Variants in TRIP11 observed in about 807,000 individuals in gnomAD.
TRIP11 encodes the protein thyroid receptor-interacting protein 11.
TRIP11 carries 148 observed loss-of-function variants against 223.1 expected under a neutral mutation model. The ratio of observed to expected loss-of-function variants is 0.66; its 90% CI spans 0.58 to 0.76. The LOEUF is 0.76. Among genes scored for constraint, TRIP11 ranks in the 30% least tolerant of loss-of-function variants. The pLI, the probability that TRIP11 is intolerant of heterozygous loss-of-function variation, is 0.00. For synonymous variants in TRIP11, 762 were observed against 772.6 expected (o/e 0.99, Z 0.23); for missense variants, 2,043 against 2,222.0 (o/e 0.92, Z 1.62).
chr14:91,980,779 ATG>A (rs2056528162), intron 16 of TRIP11, among the ~76,000 whole-genome samples: 2 of 151,818 alleles, frequency 1.3e-5, no homozygotes, highest in Non-Finnish European at 2.9e-5. Context: ...ACATATATAT[ATG>A]TCAATAAATA....
rs1048690218 is a variant in TRIP11, at chr14:91,970,287, C to T, written c.5720-394G>A. ...AATTAGCTGGGCATGGTGGCGGGCG[C>T]CTGTAATCCCAGCTACTTGGGAGGC... On this transcript the variant is annotated intron_variant, in intron 20 of 20. Transcript: ENST00000267622. 5.5e-4 allele frequency among the ~76,000 whole-genome samples: 84 copies of T among 152,070 alleles called. 1 individual carries two copies. Among genetic ancestry groups the T allele is most frequent in the South Asian group, 1.2e-3 (6 of 4,818 alleles).
chr14:92,029,283 T>A (rs55827751), intron 2 of TRIP11, among the ~76,000 whole-genome samples: 271 of 16,846 alleles, frequency 0.016, 1 homozygote, highest in South Asian at 0.046. Context: ...AAGTATTATT[T>A]TTTTTTTTTT....
At chr14:92,011,153 T>C in intron 8 of TRIP11, 81 bp from the exon 9 acceptor site, 1 of 1,240,926 alleles carries the variant, frequency 8.1e-7, no homozygotes, top group Non-Finnish European at 1.2e-6. Flanking sequence ...TACAATTGTG[T>C]GTTTCTATTC....
chr14:91,983,224 T>A (rs920367747), intron 16 of TRIP11, among the ~76,000 whole-genome samples: 2 of 152,254 alleles, frequency 1.3e-5, no homozygotes, highest in African/African-American at 4.8e-5. Context: ...TGCCTGACTG[T>A]AAACCTCCTG....
intron 20 of TRIP11, 44 bp downstream of exon 20, chr14:91,972,673 C>T (rs1184499508): frequency 1.3e-6 from 2 of 1,564,674 alleles, no homozygotes; most frequent in South Asian, 1.2e-5. Flanking sequence ...ATACATTAAA[C>T]ATTCAATTTT....
intron 16 of TRIP11, among the ~76,000 whole-genome samples, chr14:91,984,317 CT>C (rs138601782): frequency 0.27 from 35,015 of 127,460 alleles, 3,237 homozygotes; most frequent in Middle Eastern, 0.34. Flanking sequence ...TTTTTCTTTT[CT>C]TTTTTTTTTT....
Position 92,005,689 on chromosome 14 carries a change from G to C in TRIP11, c.2287C>G (p.His763Asp). 1 of 1,613,678 alleles carries C rather than the reference G, an allele frequency of 6.2e-7. No homozygotes were observed. Among genetic ancestry groups the C allele is most frequent in the Non-Finnish European group, 8.5e-7 (1 of 1,180,002 alleles). The change falls in exon 11 of 21, where the codon CAT (histidine) becomes GAT (aspartate). Residue 763 changes from histidine to aspartate, a missense_variant. Physicochemically the swap from His to Asp is moderately conservative, Grantham distance 81. Transcript: ENST00000267622. ...TTCTTTTGATTGAGTTTAATTAAAT[G>C]CTCATGTTCCAGCTGTAAGGCAGAG... ...NTSALQLEHE[H>D]LIKLNQKKDM...
At chr14:92,001,858 C>T (rs117092398) in intron 11 of TRIP11, among the ~76,000 whole-genome samples, 25 of 152,274 alleles carry the variant, frequency 1.6e-4, no homozygotes, top group East Asian at 1.3e-3. Flanking sequence ...AGACCAGTAC[C>T]ATTAAAGCTA....
chr14:91,999,360 G>C lies in TRIP11; in HGVS notation c.4772C>G (p.Ser1591Ter), dbSNP rs1057211829. Residue 1591 changes from serine to a stop codon, truncating the protein, a stop_gained, in exon 13 of 21, where the codon TCA becomes TGA. Transcript: ENST00000267622. LOFTEE classifies it high-confidence loss of function. ...LERLRNHLLESEDSYTREALA... is the reference protein window; with the variant it reads ...LERLRNHLLE ...AGCTTCACGGGTATAAGAATCTTCT[G>C]ATTCTAAAAGATGATTACGCAATCT... The C allele has an allele frequency of 1.2e-6, 2 of 1,613,876 alleles. No individual in the cohort carries two copies. Among genetic ancestry groups the C allele is most frequent in the Non-Finnish European group, 1.7e-6 (2 of 1,179,912 alleles).
chr14:92,028,354 G>A (rs2057216238), intron 2 of TRIP11, among the ~76,000 whole-genome samples: 1 of 152,106 alleles, frequency 6.6e-6, no homozygotes, highest in Non-Finnish European at 1.5e-5. Flanking sequence ...GAGCCCAGGA[G>A]TTCAAGACCA....
rs2056360121 is a variant in TRIP11, at chr14:91,968,357, G to A, written c.*1316C>T. 1 of 203,766 alleles carries A rather than the reference G, an allele frequency of 4.9e-6. No homozygotes were observed. The highest frequency in any genetic ancestry group is 1.9e-4 in the South Asian group (1 of 5,278). 12.6% of individuals were successfully genotyped at this position (203,766 alleles called of 1,614,324 possible). A position where few individuals can be genotyped will look rare whatever the true frequency, so the allele number is the denominator to read the frequency against. ...GATTTTTTTTTTATGATGGGTTTATGAAAAATTAAAGAAATACTTTCTTAA... is the reference window on the plus strand; with the variant it reads ...GATTTTTTTTTTATGATGGGTTTATAAAAAATTAAAGAAATACTTTCTTAA... On this transcript the variant is annotated 3_prime_UTR_variant, in exon 21 of 21. Coordinates refer to ENST00000267622, the MANE Select transcript of TRIP11 (RefSeq NM_004239.4).
intron 13 of TRIP11, among the ~76,000 whole-genome samples, chr14:91,996,923 T>C (rs1012791373): frequency 6.6e-6 from 1 of 152,228 alleles, no homozygotes; most frequent in Non-Finnish European, 1.5e-5. Context: ...CCTTAATGTA[T>C]AATGATTACA....
At chr14:91,989,233 C>T (rs1310476909) in intron 15 of TRIP11, among the ~76,000 whole-genome samples, 1 of 152,128 alleles carries the variant, frequency 6.6e-6, no homozygotes, top group African/African-American at 2.4e-5. Flanking sequence ...TAAATGCCAT[C>T]TATCCCCAGA....
At chr14:92,009,747 T>G (rs2056948582) in intron 9 of TRIP11, among the ~76,000 whole-genome samples, 1 of 152,166 alleles carries the variant, frequency 6.6e-6, no homozygotes, top group Non-Finnish European at 1.5e-5. Flanking sequence ...TATATACTAA[T>G]GTGGAAAGAT....
At chr14:91,977,383 C>T (rs1332402208) in intron 16 of TRIP11, 1 of 287,254 alleles carries the variant, frequency 3.5e-6, no homozygotes, top group Non-Finnish European at 6.9e-6. Flanking sequence ...AGTTTTAATT[C>T]TAAAATTTAG....
At chr14:92,036,143 A>G (rs962416512) in intron 1 of TRIP11, among the ~76,000 whole-genome samples, 1 of 152,232 alleles carries the variant, frequency 6.6e-6, no homozygotes, top group African/African-American at 2.4e-5. Flanking sequence ...AGGACAAGTT[A>G]TAATCTAATT....
At chr14:91,987,480 C>T (rs535406130) in intron 16 of TRIP11, among the ~76,000 whole-genome samples, 1 of 152,072 alleles carries the variant, frequency 6.6e-6, no homozygotes, top group Non-Finnish European at 1.5e-5. Context: ...TCTATTTTTG[C>T]TTATTTCTAA....
intron 4 of TRIP11, 138 bp from the exon 5 acceptor site, chr14:92,017,888 C>T (rs2057055185): frequency 1.5e-6 from 1 of 689,510 alleles, no homozygotes; most frequent in Non-Finnish European, 2.5e-6. Context: ...TGCCATGGAC[C>T]TTTTAAAGAA....
intron 7 of TRIP11, among the ~76,000 whole-genome samples, chr14:92,013,942 G>A (rs2057005219): frequency 6.6e-6 from 1 of 152,184 alleles, no homozygotes; most frequent in Non-Finnish European, 1.5e-5. Context: ...TGACTTTGAA[G>A]AAGAAAGGCT....
Sources: gnomAD v4.1 joint callset for allele counts (sites outside exome capture counted in the v4.1 genomes callset) on GRCh38, gnomAD v4.1.1 for gene constraint, MANE v1.5 for transcripts, NCBI Gene and HGNC (gene_info 2026-07-23, HGNC 2026-07-21) for gene names.